Variants in MAPRE2 observed in about 807,000 individuals in gnomAD.
MAPRE2 encodes the protein microtubule associated protein RP/EB family member 2, also known as microtubule-associated protein RP/EB family member 2.
Under a neutral mutation model 43.2 loss-of-function variants are expected in MAPRE2, and 13 were observed. The ratio of observed to expected loss-of-function variants is 0.30; its 90% confidence interval spans 0.20 to 0.48. The LOEUF (loss-of-function observed/expected upper bound fraction) is 0.48, where lower values mean the gene tolerates loss of function less well. MAPRE2 is among the 20% of genes least tolerant of loss of function. The pLI is 0.99. For synonymous variants in MAPRE2, 135 were observed against 148.8 expected, an observed-to-expected ratio of 0.91 and a Z score of 0.68; for missense variants, 161 against 400.2, an observed-to-expected ratio of 0.40 and a Z score of 5.10.
In MAPRE2 at chr18:35,140,589, G is replaced by GA; in HGVS notation, c.*220_*221insA. On this transcript the variant is annotated 3_prime_UTR_variant, in exon 7 of 7. Transcript: ENST00000300249. ...CTGGCCACCTACCCGAGAGATCGTA[G>GA]GGTCACATACATCCAACTTCACCAC... is the stretch of plus-strand genomic sequence containing the variant. 1.7e-5 allele frequency: 9 copies of GA among 533,158 alleles called. No homozygotes were observed. Among genetic ancestry groups the GA allele is most frequent in the Non-Finnish European group, 3.0e-5 (9 of 297,468 alleles). The allele number at this position is 533,158 out of a possible 1,614,324, so 33.0% of individuals were successfully genotyped here. A position where few individuals can be genotyped will look rare whatever the true frequency, so the allele number is the denominator to read the frequency against.
chr18:35,112,755 A>AT, intron 4 of MAPRE2, among the ~76,000 whole-genome samples: 1 of 152,320 alleles, frequency 6.6e-6, no homozygotes, highest in East Asian at 1.9e-4. Flanking sequence ...TTTTCTCCTC[A>AT]AAGAATAACT....
chr18:35,131,465 G>A (rs540025594), intron 5 of MAPRE2, among the ~76,000 whole-genome samples: 55 of 152,226 alleles, frequency 3.6e-4, no homozygotes, highest in Non-Finnish European at 6.0e-4. Context: ...TAGATTCAGC[G>A]TCTGCTTGAG....
At chr18:34,997,220 A>G (rs2097026937) in intron 1 of MAPRE2, among the ~76,000 whole-genome samples, 1 of 152,206 alleles carries the variant, frequency 6.6e-6, no homozygotes, top group Non-Finnish European at 1.5e-5. Flanking sequence ...CTCAAGGGGA[A>G]TGAAAATTGG....
intron 5 of MAPRE2, 147 bp downstream of exon 5, chr18:35,127,234 GAAGACAAAATCAGTAGCCCATGATGAAT>G (rs1909948311): frequency 1.3e-6 from 1 of 776,296 alleles, no homozygotes; most frequent in Non-Finnish European, 2.0e-6. Flanking sequence ...AGAATTGTTC[GAAGACAAAATCAGTAGCCCATGATGAAT>G]AAAAAGTGTT....
At chr18:35,084,052 C>T (rs1907760323) in intron 2 of MAPRE2, among the ~76,000 whole-genome samples, 1 of 152,142 alleles carries the variant, frequency 6.6e-6, no homozygotes, top group African/African-American at 2.4e-5. Context: ...GTTCTGCAGG[C>T]TTCTTAATAA....
At chr18:35,095,402 G>GCA (rs1190479436) in intron 2 of MAPRE2, among the ~76,000 whole-genome samples, 129 of 93,862 alleles carry the variant, frequency 1.4e-3, no homozygotes, top group Admixed American at 3.2e-3. Flanking sequence ...ACACACACAC[G>GCA]CACACACACA....
At chr18:35,029,880 A>G (rs1322702261) in intron 2 of MAPRE2, among the ~76,000 whole-genome samples, 1 of 152,230 alleles carries the variant, frequency 6.6e-6, no homozygotes. Flanking sequence ...ACATGTCTGT[A>G]TCTGGATGGT....
intron 1 of MAPRE2, among the ~76,000 whole-genome samples, chr18:35,051,832 G>T (rs1313048432): frequency 6.6e-6 from 1 of 152,206 alleles, no homozygotes; most frequent in Non-Finnish European, 1.5e-5. Flanking sequence ...CAGATTAAAT[G>T]TGTTACAGAA....
At chr18:35,104,732 T>A (rs1444287719) in intron 4 of MAPRE2, among the ~76,000 whole-genome samples, 1 of 152,136 alleles carries the variant, frequency 6.6e-6, no homozygotes, top group Non-Finnish European at 1.5e-5. Flanking sequence ...GGCCTTCAAC[T>A]TTTGTCAGCA....
intron 2 of MAPRE2, among the ~76,000 whole-genome samples, chr18:35,025,803 A>G (rs1419495629): frequency 1.3e-5 from 2 of 152,230 alleles, no homozygotes; most frequent in African/African-American, 2.4e-5. Flanking sequence ...AAGGATTCCA[A>G]ATAGGAATGT....
At chr18:35,037,659 C>CT (rs1199183756), upstream of MAPRE2, among the ~76,000 whole-genome samples, 1 of 121,226 alleles carries the variant, frequency 8.2e-6, no homozygotes, top group Non-Finnish European at 1.8e-5. Flanking sequence ...CACATTTTAG[C>CT]TTATTTTTTT....
intron 4 of MAPRE2, among the ~76,000 whole-genome samples, chr18:35,108,928 G>T (rs899801541): frequency 6.6e-6 from 1 of 152,098 alleles, no homozygotes; most frequent in African/African-American, 2.4e-5. Context: ...TAGGTTGCCT[G>T]TTCACTCTGA....
chr18:35,066,704 C>T (rs1287027884), intron 1 of MAPRE2, among the ~76,000 whole-genome samples: 1 of 152,238 alleles, frequency 6.6e-6, no homozygotes, highest in East Asian at 1.9e-4. Flanking sequence ...TTGGCTGACA[C>T]TTCACTTGCG....
At chr18:35,139,690 G>T (rs1910539225) in intron 6 of MAPRE2, among the ~76,000 whole-genome samples, 1 of 152,212 alleles carries the variant, frequency 6.6e-6, no homozygotes, top group African/African-American at 2.4e-5. Flanking sequence ...AAATGTGGCT[G>T]CTGTCCTTTC....
chr18:35,096,562 G>A (rs1000062651), intron 2 of MAPRE2, among the ~76,000 whole-genome samples: 3 of 149,894 alleles, frequency 2.0e-5, no homozygotes, highest in Non-Finnish European at 4.4e-5. Flanking sequence ...GGACATTTCT[G>A]TCATGTTTCT....
At chr18:35,091,804 ACAT>A (rs1332577101) in intron 2 of MAPRE2, among the ~76,000 whole-genome samples, 1 of 152,112 alleles carries the variant, frequency 6.6e-6, no homozygotes, top group Non-Finnish European at 1.5e-5. Context: ...AGCCAAAATA[ACAT>A]CATACTGGCA....
rs1297573570 is a variant in MAPRE2, at chr18:35,041,442, C to T, written c.-98C>T. 9 of 1,595,130 alleles carry T rather than the reference C, an allele frequency of 5.6e-6. No homozygotes were observed. The highest frequency in any genetic ancestry group is 1.3e-5 in the African/African-American group (1 of 74,532). On this transcript the variant is annotated 5_prime_UTR_variant, in exon 1 of 7. Transcript: ENST00000300249. ...AGGCAGTGAGCGAGCAGGCGGCAGG[C>T]ACGGTCCGTGCGGAGCAGGCGAGCG...
intron 1 of MAPRE2, chr18:34,984,289 T>C (rs2097017886): frequency 6.6e-6 from 1 of 152,118 alleles, no homozygotes; most frequent in South Asian, 2.1e-4. Flanking sequence ...CTTCTTCCTT[T>C]TGATGAATTG....
chr18:35,027,318 CA>C (rs1209767745), intron 2 of MAPRE2, among the ~76,000 whole-genome samples: 2 of 152,148 alleles, frequency 1.3e-5, no homozygotes, highest in African/African-American at 4.8e-5. Context: ...CTGTGACTTC[CA>C]AGACTAGGTT....
Sources: gnomAD v4.1 joint callset for allele counts (sites outside exome capture counted in the v4.1 genomes callset) on GRCh38, gnomAD v4.1.1 for gene constraint, MANE v1.5 for transcripts, NCBI Gene and HGNC (gene_info 2026-07-23, HGNC 2026-07-21) for gene names.